Variants in BMPR1B observed in about 807,000 individuals in gnomAD.
BMPR1B encodes bone morphogenetic protein receptor type-1B.
In BMPR1B, 12 loss-of-function variants were observed where a neutral mutation model predicts 59.1. The ratio of observed to expected loss-of-function variants is 0.20; its 90% CI spans 0.13 to 0.33. The LOEUF (loss-of-function observed/expected upper bound fraction) is 0.33, where lower values mean the gene tolerates loss of function less well. BMPR1B is among the 10% of genes least tolerant of loss of function. BMPR1B has a pLI of 1.00. For synonymous variants in BMPR1B, 237 were observed against 207.3 expected, an observed-to-expected ratio of 1.14 and a Z score of -1.23; for missense variants, 550 against 610.9, an observed-to-expected ratio of 0.90 and a Z score of 1.05.
Position 94,901,853 on chromosome 4 carries a change from C to T in BMPR1B, c.-113+25953C>T, listed in dbSNP as rs532723131. ...GCCCTGGAGGGACTCTTCTCCTGAA[C>T]ATGGGCAAGAACACTTGCACCAGAG... On this transcript the variant is annotated intron_variant, in intron 2 of 12. Transcript: ENST00000515059. 1.2e-4 allele frequency among the ~76,000 whole-genome samples: 18 copies of T among 152,072 alleles called. 1 individual carries two copies. In the South Asian group the frequency reaches 1.4e-3, roughly 12 times the overall value.
chr4:95,089,257 T>C (rs1377163518), intron 3 of BMPR1B, among the ~76,000 whole-genome samples: 1 of 152,096 alleles, frequency 6.6e-6, no homozygotes, highest in Admixed American at 6.6e-5. Flanking sequence ...TATCTGAAGA[T>C]AGGGTTTGTG....
At chr4:94,875,801 G>A (rs17500892) in intron 1 of BMPR1B, 30 bp from the exon 2 acceptor site, 17,009 of 152,624 alleles carry the variant, frequency 0.11, 1,006 homozygotes, top group Non-Finnish European at 0.14. Flanking sequence ...GCCACAAATA[G>A]CAATTCAGTT....
Position 95,038,395 on chromosome 4 carries a change from G to A in BMPR1B, c.-18+42261G>A, listed in dbSNP as rs138814216. Among the ~76,000 whole-genome samples, 36 of 152,200 alleles carry A rather than the reference G, an allele frequency of 2.4e-4. No homozygotes were observed. The East Asian group carries it at 6.2e-3, about 26-fold the overall frequency. The stretch of plus-strand genomic sequence containing the variant: ...TTTTCTGTAGCCCAGCCTGAGTTTC[G>A]TCTAAAGCTTCTCACACAATTCAGA... On this transcript the variant is annotated intron_variant, in intron 3 of 12. Coordinates refer to ENST00000515059, the MANE Select transcript of BMPR1B (RefSeq NM_001203.3).
intron 1 of BMPR1B, among the ~76,000 whole-genome samples, chr4:94,786,426 G>T (rs780646264): frequency 2.0e-4 from 30 of 151,550 alleles, no homozygotes; most frequent in Admixed American, 7.2e-4. Flanking sequence ...GAGTGTGGTG[G>T]CATGACCTTG....
chr4:95,157,748 A>AAAT lies in BMPR1B; in HGVS notation c.*3077_*3078insTAA, dbSNP rs778035519. On this transcript the variant is annotated 3_prime_UTR_variant, in exon 13 of 13. Coordinates refer to ENST00000515059, the MANE Select transcript of BMPR1B (RefSeq NM_001203.3). ...TAAATGAAACATAATATTTATTTAT[A>AAAT]AAAGTGTGTAGATTGTTAAATCACA... 3 of 152,246 alleles carry AAAT rather than the reference A, an allele frequency of 2.0e-5. No homozygotes were observed. In the South Asian group the frequency reaches 6.2e-4, roughly 32 times the overall value. 9.4% of individuals were successfully genotyped at this position (152,246 alleles called of 1,614,324 possible).
intron 2 of BMPR1B, among the ~76,000 whole-genome samples, chr4:94,944,510 C>T (rs574259838): frequency 6.6e-6 from 1 of 152,234 alleles, no homozygotes; most frequent in African/African-American, 2.4e-5. Context: ...TGATTCAATT[C>T]ATGCTTACTG....
chr4:95,030,382 C>T (rs2086254916), intron 3 of BMPR1B, among the ~76,000 whole-genome samples: 1 of 151,998 alleles, frequency 6.6e-6, no homozygotes, highest in Admixed American at 6.6e-5. Context: ...GAATCCTTTC[C>T]CCATTGCTTG....
chr4:95,112,243 CT>C (rs1489601359), intron 4 of BMPR1B, among the ~76,000 whole-genome samples: 1 of 151,974 alleles, frequency 6.6e-6, no homozygotes, highest in Non-Finnish European at 1.5e-5. Flanking sequence ...TTCATCTCAT[CT>C]TTTTATCACT....
At chr4:94,781,955 T>C (rs1420153722) in intron 1 of BMPR1B, among the ~76,000 whole-genome samples, 1 of 152,100 alleles carries the variant, frequency 6.6e-6, no homozygotes, top group African/African-American at 2.4e-5. Context: ...TTTTTGCTAT[T>C]ATGCAACCCA....
intron 1 of BMPR1B, among the ~76,000 whole-genome samples, chr4:94,825,521 C>G (rs1724352536): frequency 6.6e-6 from 1 of 151,968 alleles, no homozygotes; most frequent in Non-Finnish European, 1.5e-5. Context: ...AAAAACAAAA[C>G]AAAACAAAAC....
intron 2 of BMPR1B, among the ~76,000 whole-genome samples, chr4:94,886,814 AC>A (rs1727186437): frequency 6.6e-6 from 1 of 152,172 alleles, no homozygotes; most frequent in Non-Finnish European, 1.5e-5. Context: ...ACTGGGAATC[AC>A]TTAGGGAGGA....
At chr4:94,851,729 T>C (rs910465529) in intron 1 of BMPR1B, among the ~76,000 whole-genome samples, 1 of 152,142 alleles carries the variant, frequency 6.6e-6, no homozygotes, top group African/African-American at 2.4e-5. Flanking sequence ...TATATATTTA[T>C]GCAAACAAAG....
intron 3 of BMPR1B, among the ~76,000 whole-genome samples, chr4:95,037,915 T>C (rs1279377155): frequency 1.3e-5 from 2 of 151,972 alleles, no homozygotes; most frequent in Non-Finnish European, 2.9e-5. Flanking sequence ...GCCCTGAGGG[T>C]TTTGTACTCA....
At chr4:94,992,632 A>T (rs536582343) in intron 2 of BMPR1B, among the ~76,000 whole-genome samples, 2 of 152,306 alleles carry the variant, frequency 1.3e-5, no homozygotes, top group South Asian at 4.1e-4. Flanking sequence ...CTCCCTCTAG[A>T]CCACATGCCT....
chr4:94,829,009 G>A (rs1410067481), intron 1 of BMPR1B, among the ~76,000 whole-genome samples: 1 of 151,410 alleles, frequency 6.6e-6, no homozygotes, highest in South Asian at 2.1e-4. Flanking sequence ...AAAAGATAAT[G>A]CATTCTTGCC....
intron 2 of BMPR1B, among the ~76,000 whole-genome samples, chr4:94,946,001 A>G (rs1729696585): frequency 6.6e-6 from 1 of 152,198 alleles, no homozygotes; most frequent in Admixed American, 6.5e-5. Flanking sequence ...AATTTTGCAG[A>G]GTATTCTAAA....
At chr4:94,961,685 G>C (rs1730359473) in intron 2 of BMPR1B, among the ~76,000 whole-genome samples, 1 of 152,044 alleles carries the variant, frequency 6.6e-6, no homozygotes, top group African/African-American at 2.4e-5. Flanking sequence ...GGAGCATTAG[G>C]TCATAACATT....
chr4:95,094,897 A>G (rs540992740), intron 3 of BMPR1B, among the ~76,000 whole-genome samples: 1 of 151,940 alleles, frequency 6.6e-6, no homozygotes, highest in Non-Finnish European at 1.5e-5. Flanking sequence ...GTAACATCAC[A>G]GTTAATATTA....
chr4:94,915,909 G>C (rs532772781), intron 2 of BMPR1B, among the ~76,000 whole-genome samples: 1 of 152,268 alleles, frequency 6.6e-6, no homozygotes, highest in East Asian at 1.9e-4. Flanking sequence ...TCACAATAGT[G>C]AGTGCTCGGG....
Sources: allele counts gnomAD v4.1 joint callset (sites outside exome capture counted in the v4.1 genomes callset), GRCh38; gene constraint gnomAD v4.1.1; transcripts MANE v1.5; gene names NCBI Gene and HGNC (gene_info 2026-07-23, HGNC 2026-07-21).